Variants in LRP12 observed in about 807,000 individuals in gnomAD.
LRP12 encodes LDL receptor related protein 12, also known as low-density lipoprotein receptor-related protein 12.
A neutral mutation model predicts 66.0 loss-of-function variants in LRP12; 14 were observed. That is an observed-to-expected ratio of 0.21 (90% CI 0.14 to 0.33). The LOEUF (loss-of-function observed/expected upper bound fraction) is 0.33, where lower values mean the gene tolerates loss of function less well. Among genes scored for constraint, LRP12 ranks in the 10% least tolerant of loss-of-function variants. LRP12 has a pLI of 1.00. For missense variants in LRP12, 889 were observed against 1,053.4 expected (o/e 0.84, Z 2.16); for synonymous variants, 357 against 359.1 (o/e 0.99, Z 0.07).
intron 1 of LRP12, among the ~76,000 whole-genome samples, chr8:104,550,124 G>A (rs1460821906): frequency 3.3e-5 from 5 of 152,142 alleles, no homozygotes; most frequent in African/African-American, 1.2e-4. Flanking sequence ...GCCAGTCACT[G>A]TAGTCGGTAC....
At chr8:104,536,203 A>T (rs1192450161) in intron 1 of LRP12, among the ~76,000 whole-genome samples, 1 of 151,968 alleles carries the variant, frequency 6.6e-6, no homozygotes, top group Non-Finnish European at 1.5e-5. Context: ...TTCCCATTCT[A>T]TCTCTTCTTT....
intron 1 of LRP12, among the ~76,000 whole-genome samples, chr8:104,565,894 T>C (rs544755074): frequency 7.7e-6 from 1 of 129,300 alleles, no homozygotes; most frequent in Admixed American, 8.9e-5. Context: ...ACACACCCCA[T>C]ACATGTTACT....
At chr8:104,553,741 C>A (rs1407599987) in intron 1 of LRP12, among the ~76,000 whole-genome samples, 1 of 152,060 alleles carries the variant, frequency 6.6e-6, no homozygotes, top group Non-Finnish European at 1.5e-5. Flanking sequence ...TCCAGGTGAC[C>A]TTAGGGCAAG....
chr8:104,498,656 C>G (rs903169578), intron 4 of LRP12, among the ~76,000 whole-genome samples: 4 of 152,142 alleles, frequency 2.6e-5, no homozygotes, highest in African/African-American at 9.7e-5. Context: ...TTGATTCCAT[C>G]TCTTTGCTAT....
intron 1 of LRP12, among the ~76,000 whole-genome samples, chr8:104,546,922 A>G (rs961482080): frequency 9.0e-5 from 13 of 144,744 alleles, no homozygotes; most frequent in Non-Finnish European, 2.0e-4. Flanking sequence ...ATAATTATAT[A>G]TAATTATATA....
At chr8:104,584,704 T>C (rs1812304131) in intron 1 of LRP12, among the ~76,000 whole-genome samples, 1 of 152,202 alleles carries the variant, frequency 6.6e-6, no homozygotes. Flanking sequence ...CCCACCTTCA[T>C]ATTCTCCCAA....
At position 104,531,926 on chromosome 8, in the gene LRP12, A is replaced by T. The variant is rs1811329917; in HGVS notation, c.117T>A (p.His39Gln). 6.3e-7 allele frequency: 1 copy of T among 1,594,288 alleles called. No homozygotes were observed. The highest frequency in any genetic ancestry group is 8.5e-7 in the Non-Finnish European group (1 of 1,170,986). ...GALAEHSENV[H>Q]ISGVSTACGE... ...ACTTACCAGTTGACACTCCTGAAAT[A>T]TGCACATTTTCAGAATGTTCTGCAA... is the stretch of plus-strand genomic sequence containing the variant. Residue 39 changes from histidine (H) to glutamine (Q), a missense_variant, in exon 2 of 7, where the codon CAT (histidine) becomes CAA (glutamine). His to Gln is a conservative substitution (Grantham distance 24). Coordinates refer to ENST00000276654, the MANE Select transcript of LRP12 (RefSeq NM_013437.5).
rs1812205873 is a variant in LRP12 at position 104,578,947 on chromosome 8, A to G, written c.79+9872T>C. On this transcript the variant is annotated intron_variant, in intron 1 of 6. Transcript: ENST00000276654. Reference sequence around the variant, plus strand: ...TACCTCAAAATAATAAGAGCCGTCTATGACAAACAAACCCACAACCAACAT... The same window carrying G: ...TACCTCAAAATAATAAGAGCCGTCTGTGACAAACAAACCCACAACCAACAT... 3.3e-5 allele frequency among the ~76,000 whole-genome samples: 5 copies of G among 152,154 alleles called. No homozygotes were observed. The South Asian group carries it at 8.3e-4, about 25-fold the overall frequency.
chr8:104,527,398 C>T (rs1422161711), intron 2 of LRP12, among the ~76,000 whole-genome samples: 14 of 151,146 alleles, frequency 9.3e-5, no homozygotes, highest in Admixed American at 7.2e-4. Flanking sequence ...TTTACTGCGG[C>T]ACTATTCACA....
intron 6 of LRP12, among the ~76,000 whole-genome samples, chr8:104,494,007 G>C (rs1810681287): frequency 6.6e-6 from 1 of 152,194 alleles, no homozygotes; most frequent in Admixed American, 6.5e-5. Context: ...ACCTGAAGGG[G>C]ATTTGGGGAA....
intron 1 of LRP12, among the ~76,000 whole-genome samples, chr8:104,575,893 C>T (rs1244913061): frequency 4.6e-5 from 7 of 152,090 alleles, no homozygotes; most frequent in Admixed American, 4.6e-4. Flanking sequence ...AACGCTGGAA[C>T]TGACAGACAA....
At chr8:104,571,211 C>G (rs927629085) in intron 1 of LRP12, among the ~76,000 whole-genome samples, 1 of 150,068 alleles carries the variant, frequency 6.7e-6, no homozygotes, top group Non-Finnish European at 1.5e-5. Context: ...AATTCTTCTC[C>G]TAAGTATTTA....
intron 3 of LRP12, among the ~76,000 whole-genome samples, chr8:104,503,328 CAAAAAAAAAAAAAAA>C (rs59353283): frequency 6.6e-4 from 20 of 30,092 alleles, no homozygotes; most frequent in Admixed American, 4.5e-3. Context: ...CTGTGTCTCT[CAAAAAAAAAAAAAAA>C]AAAAAAAAAA....
At chr8:104,547,209 AAT>A (rs1309104491) in intron 1 of LRP12, among the ~76,000 whole-genome samples, 2 of 139,930 alleles carry the variant, frequency 1.4e-5, no homozygotes, top group Non-Finnish European at 3.0e-5. Context: ...TTTTGTATAT[AAT>A]ATACAATTCT....
intron 1 of LRP12, among the ~76,000 whole-genome samples, chr8:104,560,844 A>C (rs966258957): frequency 6.6e-6 from 1 of 152,170 alleles, no homozygotes; most frequent in African/African-American, 2.4e-5. Context: ...GTTGCGCTTA[A>C]GTCTCTCTTA....
intron 1 of LRP12, among the ~76,000 whole-genome samples, chr8:104,542,971 C>A (rs1275923200): frequency 6.9e-6 from 1 of 145,960 alleles, no homozygotes. Flanking sequence ...GACATATTTG[C>A]GTGTGTTTAT....
intron 1 of LRP12, among the ~76,000 whole-genome samples, chr8:104,540,310 A>T (rs959033512): frequency 5.3e-5 from 8 of 152,176 alleles, no homozygotes; most frequent in Admixed American, 1.3e-4. Flanking sequence ...TCCAGAACTG[A>T]GAGAAAACAA....
At chr8:104,548,220 TATG>T (rs1392166283) in intron 1 of LRP12, among the ~76,000 whole-genome samples, 54 of 102,534 alleles carry the variant, frequency 5.3e-4, no homozygotes, top group South Asian at 4.8e-3. Flanking sequence ...TATATTAATA[TATG>T]ATATATTTAT....
chr8:104,500,815 C>G (rs1407938585), intron 3 of LRP12, among the ~76,000 whole-genome samples: 1 of 152,138 alleles, frequency 6.6e-6, no homozygotes, highest in African/African-American at 2.4e-5. Context: ...ACTAGTATTG[C>G]TAGGTCAGAA....
Sources: allele counts gnomAD v4.1 joint callset (sites outside exome capture counted in the v4.1 genomes callset), GRCh38; gene constraint gnomAD v4.1.1; transcripts MANE v1.5; gene names NCBI Gene and HGNC (gene_info 2026-07-23, HGNC 2026-07-21).